The following MKNK2 variants were observed in gnomAD, a reference collection of about 807,000 sequenced individuals.
MKNK2 encodes MAPK interacting serine/threonine kinase 2.
In MKNK2, 54 loss-of-function variants were observed where a neutral mutation model predicts 55.0. The observed-to-expected ratio is 0.98, with a 90% CI of 0.79 to 1.23. The LOEUF is 1.23. MKNK2 is among the 50% of genes most tolerant of loss of function. The pLI is 0.00. For missense variants in MKNK2, 685 were observed against 632.1 expected, an observed-to-expected ratio of 1.08 and a Z score of -0.90; for synonymous variants, 323 against 256.0, an observed-to-expected ratio of 1.26 and a Z score of -2.50.
chr19:2,037,977 T>C lies in MKNK2; in HGVS notation c.*1636A>G. ...GCAGAGAATCCCCCGTTACGAAACA[T>C]GGAATCACTGACAGGCGAGAAGTGA... On this transcript the variant is annotated 3_prime_UTR_variant, in exon 14 of 14. Coordinates refer to ENST00000250896, the MANE Select transcript of MKNK2 (RefSeq NM_199054.3). 4 of 1,372,906 alleles carry C rather than the reference T, an allele frequency of 2.9e-6. No individual in the cohort carries two copies. The highest frequency in any genetic ancestry group is 1.7e-5 in the South Asian group (1 of 58,398). 85.0% of individuals were successfully genotyped at this position (1,372,906 alleles called of 1,614,324 possible).
At chr19:2,050,173 C>T (rs892489054) in intron 2 of MKNK2, among the ~76,000 whole-genome samples, 2 of 152,186 alleles carry the variant, frequency 1.3e-5, no homozygotes, top group Non-Finnish European at 2.9e-5. Flanking sequence ...AGTCACCACC[C>T]GGGCTGCGCA....
At position 2,042,036 on chromosome 19, in the gene MKNK2, T is replaced by C. The variant is rs201969609; in HGVS notation, c.751-2A>G. On this transcript the variant is annotated splice_acceptor_variant, in intron 10 of 13. Transcript: ENST00000250896. LOFTEE classifies it high-confidence loss of function. ...GGCCATGTACTCCGCCGAGCCGCAC[T>C]GCGGGCGGGGGAGGGGCGCGTCAGC... 2 of 1,486,368 alleles carry C rather than the reference T, an allele frequency of 1.3e-6. No homozygotes were observed. The highest frequency in any genetic ancestry group is 2.4e-5 in the Admixed American group (1 of 41,282). The allele number at this position is 1,486,368 out of a possible 1,614,324, so 92.1% of individuals were successfully genotyped here. A position where few individuals can be genotyped will look rare whatever the true frequency, so the allele number is the denominator to read the frequency against.
Position 2,041,871 on chromosome 19 carries a change from C to T in MKNK2, c.914G>A (p.Trp305Ter). 2 of 1,540,872 alleles carry T rather than the reference C, an allele frequency of 1.3e-6. No homozygotes were observed. The highest frequency in any genetic ancestry group is 1.8e-6 in the Non-Finnish European group (2 of 1,142,662). Reference protein sequence around the residue: ...FVGRCGSDCGWDRGEACPACQ... With the variant: ...FVGRCGSDCG ...GGCAGGGCAGGCCTCGCCGCGGTCCCAGCCGCAGTCGCTGCCACAGCGGCC... is the reference window on the plus strand; with the variant it reads ...GGCAGGGCAGGCCTCGCCGCGGTCCTAGCCGCAGTCGCTGCCACAGCGGCC... The change falls in exon 11 of 14, where the codon TGG (tryptophan) becomes TAG (stop). Residue 305 changes from tryptophan (W) to a stop codon, truncating the protein, a stop_gained. Coordinates refer to ENST00000250896, the MANE Select transcript of MKNK2 (RefSeq NM_199054.3). LOFTEE classifies it high-confidence loss of function.
rs1383923962 is a variant in MKNK2, at chr19:2,039,361, C to T, written c.*252G>A. On this transcript the variant is annotated 3_prime_UTR_variant, in exon 14 of 14. Transcript: ENST00000250896. ...GGGGACAAGCCCACCCACCTACCCT[C>T]TGCTCACCTTCCCGGGTGCCTGCAA... 5.1e-6 allele frequency: 7 copies of T among 1,374,810 alleles called. No individual in the cohort carries two copies. The African/African-American group carries it at 1.0e-4, about 20-fold the overall frequency. The allele number at this position is 1,374,810 out of a possible 1,614,324, so 85.2% of individuals were successfully genotyped here.
At chr19:2,046,087 G>T in intron 5 of MKNK2, 99 bp downstream of exon 5, 1 of 1,245,662 alleles carries the variant, frequency 8.0e-7, no homozygotes, top group Non-Finnish European at 1.2e-6. Context: ...GGGTCTTCCC[G>T]GCTGTAGGAC....
Position 2,038,130 on chromosome 19 carries a change from T to C in MKNK2, c.*1483A>G, listed in dbSNP as rs552255354. 3.1e-5 allele frequency: 33 copies of C among 1,066,626 alleles called. No homozygotes were observed. Among genetic ancestry groups the C allele is most frequent in the Non-Finnish European group, 3.3e-5 (29 of 883,296 alleles). The allele number at this position is 1,066,626 out of a possible 1,614,324, so 66.1% of individuals were successfully genotyped here. On this transcript the variant is annotated 3_prime_UTR_variant, in exon 14 of 14. Coordinates refer to ENST00000250896, the MANE Select transcript of MKNK2 (RefSeq NM_199054.3). ...CACGGCCACCGGACTGTGACCATCA[T>C]ACGAGATTCAGGAGGGGCAGCAGGG...
Position 2,038,703 on chromosome 19 carries a change from G to T in MKNK2, c.*910C>A. ...CAGGACGTGGCTACGGTCAGACTGA[G>T]CCCTGAGAAGGGGCACTCGGGTGCC... On this transcript the variant is annotated 3_prime_UTR_variant, in exon 14 of 14. Coordinates refer to ENST00000250896, the MANE Select transcript of MKNK2 (RefSeq NM_199054.3). 1.0e-6 allele frequency: 1 copy of T among 985,688 alleles called. No homozygotes were observed. The highest frequency in any genetic ancestry group is 1.2e-6 in the Non-Finnish European group (1 of 830,074). The allele number at this position is 985,688 out of a possible 1,614,324, so 61.1% of individuals were successfully genotyped here.
chr19:2,043,633 C>G (rs760125018), intron 5 of MKNK2, 51 bp from the exon 6 acceptor site: 1 of 1,529,916 alleles, frequency 6.5e-7, no homozygotes, highest in South Asian at 1.1e-5. Flanking sequence ...CGCTCATAGT[C>G]GAGAAGGGGC....
Position 2,046,229 on chromosome 19 carries a change from T to C in MKNK2, c.296A>G (p.Gln99Arg). Reference sequence around the variant, plus strand: ...GCTGGTGATCAGGTTGATGCAGGTCTGCACTCGGGCATGAGCGCCCTCCCC... The same window carrying C: ...GCTGGTGATCAGGTTGATGCAGGTCCGCACTCGGGCATGAGCGCCCTCCCC... ...VLGEGAHARV[Q>R]TCINLITSQE... The change falls in exon 5 of 14, where the codon CAG (glutamine) becomes CGG (arginine). Residue 99 changes from glutamine (Q) to arginine (R), a missense_variant. Coordinates refer to ENST00000250896, the MANE Select transcript of MKNK2 (RefSeq NM_199054.3). 6.2e-7 allele frequency: 1 copy of C among 1,607,810 alleles called. No homozygotes were observed. The highest frequency in any genetic ancestry group is 8.5e-7 in the Non-Finnish European group (1 of 1,179,940).
chr19:2,050,894 C>CGGGGGGAGGCCCGAG lies in MKNK2; in HGVS notation c.-58_-44dup. On this transcript the variant is annotated 5_prime_UTR_variant, in exon 2 of 14. Coordinates refer to ENST00000250896, the MANE Select transcript of MKNK2 (RefSeq NM_199054.3). ...CCAGCGGGGGAGGGGACCGAGGGCC[C>CGGGGGGAGGCCCGAG]GGGGGGAGGCCCGAGGGCGGGCGGC... 1.4e-6 allele frequency: 2 copies of CGGGGGGAGGCCCGAG among 1,467,210 alleles called. No homozygotes were observed. The highest frequency in any genetic ancestry group is 1.8e-6 in the Non-Finnish European group (2 of 1,099,330). 90.9% of individuals were successfully genotyped at this position (1,467,210 alleles called of 1,614,324 possible). A position where few individuals can be genotyped will look rare whatever the true frequency, so the allele number is the denominator to read the frequency against.
Position 2,049,157 on chromosome 19 carries a change from GCAC to G in MKNK2, c.51+1641_51+1643del, listed in dbSNP as rs148454276. 9.5e-3 allele frequency among the ~76,000 whole-genome samples: 1,450 copies of G among 152,344 alleles called. 12 individuals carry two copies. The highest frequency in any genetic ancestry group is 0.012 in the Non-Finnish European group (836 of 68,022). ...GCAGCCACCACAGCGGAGGGGCCAG[GCAC>G]CACGAGACTCCGCGGCCTCCTCGCC... is the stretch of plus-strand genomic sequence containing the variant. On this transcript the variant is annotated intron_variant, in intron 2 of 13. Coordinates refer to ENST00000250896, the MANE Select transcript of MKNK2 (RefSeq NM_199054.3).
intron 5 of MKNK2, among the ~76,000 whole-genome samples, chr19:2,043,830 T>C (rs1445839250): frequency 6.6e-6 from 1 of 151,900 alleles, no homozygotes; most frequent in Non-Finnish European, 1.5e-5. Context: ...AAAAATTAGC[T>C]GGGTGTGGTG....
rs753681155 is a variant in MKNK2, at chr19:2,042,751, G to C, written c.598+15C>G. ...CAGGCGGCCCTAGGAGACTCCGGGC[G>C]GGGTCACCACCTACCTTTGTTATGC... On this transcript the variant is annotated intron_variant, in intron 8 of 13. Transcript: ENST00000250896. The C allele has an allele frequency of 1.9e-6, 3 of 1,559,374 alleles. No individual in the cohort carries two copies. The highest frequency in any genetic ancestry group is 2.6e-6 in the Non-Finnish European group (3 of 1,148,698).
At chr19:2,042,325 C>T in intron 10 of MKNK2, 102 bp downstream of exon 10, 1 of 1,104,756 alleles carries the variant, frequency 9.1e-7, no homozygotes, top group Non-Finnish European at 1.3e-6. Flanking sequence ...AGGCGGAAGC[C>T]CGAGCTCCGC....
At chr19:2,042,382 G>T in intron 10 of MKNK2, 45 bp downstream of exon 10, 1 of 1,515,412 alleles carries the variant, frequency 6.6e-7, no homozygotes. Flanking sequence ...TTATGCAACC[G>T]CAGAGCAGGC....
chr19:2,040,157 C>T lies in MKNK2; in HGVS notation c.1131G>A (p.Leu377=), dbSNP rs1197659658. ...WVQGCAPENT[L]PTPMVLQRNS... The stretch of plus-strand genomic sequence containing the variant: ...ACCTCTGCAGGACCATGGGAGTGGG[C>T]AAGGTGTTCTCCGGGGCGCACTGCA... Residue 377 remains leucine (L), a synonymous_variant, in exon 13 of 14, where the codon TTG becomes TTA. Transcript: ENST00000250896. 1 of 1,592,386 alleles carries T rather than the reference C, an allele frequency of 6.3e-7. No homozygotes were observed. Among genetic ancestry groups the T allele is most frequent in the Non-Finnish European group, 8.5e-7 (1 of 1,171,372 alleles).
At chr19:2,041,797 G>A in intron 11 of MKNK2, 43 bp downstream of exon 11, 2 of 1,458,210 alleles carry the variant, frequency 1.4e-6, no homozygotes, top group Non-Finnish European at 1.8e-6. Context: ...CAGGCCCGGG[G>A]GAGGAGGGTG....
chr19:2,046,511 G>A, intron 3 of MKNK2, 43 bp from the exon 4 acceptor site: 2 of 1,572,584 alleles, frequency 1.3e-6, no homozygotes, highest in Non-Finnish European at 1.7e-6. Flanking sequence ...ACATGGCCCT[G>A]GCCGGCCGGC....
At chr19:2,043,063 G>C in intron 7 of MKNK2, 61 bp downstream of exon 7, 1 of 1,452,346 alleles carries the variant, frequency 6.9e-7, no homozygotes, top group East Asian at 2.3e-5. Flanking sequence ...GTGGCACTAG[G>C]CCCCCATCCC....
Sources: allele counts gnomAD v4.1 joint callset (sites outside exome capture counted in the v4.1 genomes callset), GRCh38; gene constraint gnomAD v4.1.1; transcripts MANE v1.5; gene names NCBI Gene and HGNC (gene_info 2026-07-23, HGNC 2026-07-21).